Variants in GYPB observed in about 807,000 individuals in gnomAD.
GYPB encodes the protein glycophorin-B.
A neutral mutation model predicts 15.3 loss-of-function variants in GYPB; 13 were observed. That is an observed-to-expected ratio of 0.85 (90% CI 0.55 to 1.35). The LOEUF is 1.35. Among genes scored for constraint, GYPB ranks in the 40% most tolerant of loss-of-function variants. The pLI is 0.00. For missense variants in GYPB, 131 were observed against 108.3 expected (o/e 1.21, Z -0.93); for synonymous variants, 38 against 36.9 (o/e 1.03, Z -0.11).
Position 144,001,945 on chromosome 4 carries a change from G to A in GYPB, c.38-662C>T, listed in dbSNP as rs1244110459. On this transcript the variant is annotated intron_variant, in intron 1 of 4. Coordinates refer to ENST00000502664, the MANE Select transcript of GYPB (RefSeq NM_002100.6). The stretch of plus-strand genomic sequence containing the variant: ...GATCACGCCACTGCACTCCAGCCTG[G>A]GCGACAGAACGAGATTCCGTTTCAA... 2.2e-5 allele frequency among the ~76,000 whole-genome samples: 3 copies of A among 135,180 alleles called. No individual in the cohort carries two copies. The Admixed American group carries it at 2.4e-4, about 11-fold the overall frequency. 88.7% of individuals were successfully genotyped at this position (135,180 alleles called of 152,430 possible).
chr4:144,012,839 G>T (rs1355456480), intron 1 of GYPB: 2 of 151,142 alleles, frequency 1.3e-5, no homozygotes, highest in African/African-American at 4.9e-5. Context: ...TATAAGAGAA[G>T]AAATACAAAA....
intron 1 of GYPB, among the ~76,000 whole-genome samples, chr4:144,007,761 T>G (rs1727996633): frequency 6.6e-6 from 1 of 151,618 alleles, no homozygotes; most frequent in East Asian, 1.9e-4. Context: ...GCCTCTAAGA[T>G]GAGAGTAGTG....
At chr4:144,009,876 G>A (rs902828765) in intron 1 of GYPB, among the ~76,000 whole-genome samples, 12 of 150,842 alleles carry the variant, frequency 8.0e-5, no homozygotes, top group African/African-American at 3.0e-4. Context: ...GCCTCCCAAA[G>A]TGATGGGATT....
At chr4:143,997,357 T>C (rs1727376474) in intron 4 of GYPB, 183 bp downstream of exon 4, 1 of 467,826 alleles carries the variant, frequency 2.1e-6, no homozygotes. Flanking sequence ...TTCCCTTTAA[T>C]TGGGCAAATG....
intron 2 of GYPB, among the ~76,000 whole-genome samples, chr4:144,000,939 A>C (rs2667333): frequency 1.3e-5 from 2 of 151,248 alleles, no homozygotes; most frequent in Admixed American, 1.3e-4. Context: ...TCATGGTCAC[A>C]TGTATCATTT....
At chr4:144,009,518 G>C (rs1374127983) in intron 1 of GYPB, among the ~76,000 whole-genome samples, 2 of 145,682 alleles carry the variant, frequency 1.4e-5, no homozygotes, top group Admixed American at 1.4e-4. Flanking sequence ...GTATGACTAT[G>C]TTCCAATAAT....
At chr4:144,009,435 T>C (rs1451759571) in intron 1 of GYPB, among the ~76,000 whole-genome samples, 2 of 150,302 alleles carry the variant, frequency 1.3e-5, no homozygotes, top group Non-Finnish European at 3.0e-5. Flanking sequence ...GGACCATCTA[T>C]TACAAATATT....
chr4:144,015,630 A>C (rs978409109), intron 1 of GYPB, among the ~76,000 whole-genome samples: 3 of 151,440 alleles, frequency 2.0e-5, no homozygotes, highest in Non-Finnish European at 4.4e-5. Flanking sequence ...CCTAATTTAA[A>C]ATCACTACGA....
intron 2 of GYPB, among the ~76,000 whole-genome samples, chr4:144,000,669 A>G (rs971608740): frequency 2.0e-5 from 3 of 151,256 alleles, no homozygotes; most frequent in Non-Finnish European, 4.4e-5. Flanking sequence ...CTTATTGTTT[A>G]TCAGTCACTG....
chr4:144,018,076 T>G (rs1024902009), intron 1 of GYPB, among the ~76,000 whole-genome samples: 8 of 151,414 alleles, frequency 5.3e-5, no homozygotes, highest in African/African-American at 2.0e-4. Flanking sequence ...GATAGTTAAT[T>G]CTAATCATAG....
intron 1 of GYPB, chr4:144,002,508 C>T: frequency 1.0e-6 from 1 of 968,764 alleles, no homozygotes; most frequent in Non-Finnish European, 1.4e-6. Flanking sequence ...ATGTGTTTTT[C>T]ACTCTTCTGA....
intron 1 of GYPB, among the ~76,000 whole-genome samples, chr4:144,014,891 G>A (rs1410271990): frequency 6.6e-6 from 1 of 151,496 alleles, no homozygotes; most frequent in East Asian, 1.9e-4. Flanking sequence ...TTCAGAACCT[G>A]CCTATATATG....
intron 2 of GYPB, 114 bp from the exon 3 acceptor site, chr4:143,999,563 G>A (rs778581215): frequency 3.2e-6 from 2 of 632,292 alleles, no homozygotes; most frequent in South Asian, 3.7e-5. Context: ...TATTTTGAGA[G>A]TTGTTGGTCA....
In GYPB at chr4:143,996,303, G is replaced by C; in HGVS notation, c.272C>G (p.Ala91Gly). 1 of 1,550,904 alleles carries C rather than the reference G, an allele frequency of 6.4e-7. No individual in the cohort carries two copies. Among genetic ancestry groups the C allele is most frequent in the South Asian group, 1.2e-5 (1 of 84,050 alleles). Residue 91 changes from alanine to glycine, a missense_variant and splice_region_variant, in exon 5 of 5, where the codon GCA becomes GGA. Coordinates refer to ENST00000502664, the MANE Select transcript of GYPB (RefSeq NM_002100.6). The stretch of plus-strand genomic sequence containing the variant: ...GGCAGCATGCAGGCCACATCCTCAT[G>C]CCTGTGATAAAAAGACAAGAAGTTT... ...ISYSIRRLIK[A>G]
intron 1 of GYPB, among the ~76,000 whole-genome samples, chr4:144,017,787 CT>C (rs891118228): frequency 1.3e-5 from 2 of 151,264 alleles, no homozygotes; most frequent in Non-Finnish European, 2.9e-5. Flanking sequence ...AAGAATACAT[CT>C]TTTTTTCTGT....
At chr4:144,002,570 C>A in intron 1 of GYPB, 1 of 1,283,546 alleles carries the variant, frequency 7.8e-7, no homozygotes, top group Non-Finnish European at 1.0e-6. Flanking sequence ...TGTAGATGTA[C>A]CTTTGCTCAT....
At chr4:144,001,332 C>A in intron 1 of GYPB, 49 bp from the exon 2 acceptor site, 1 of 1,612,320 alleles carries the variant, frequency 6.2e-7, no homozygotes, top group Non-Finnish European at 8.5e-7. Context: ...GGTGACTGAG[C>A]AGACCATAAA....
intron 1 of GYPB, chr4:144,008,537 C>A: frequency 2.2e-6 from 1 of 454,628 alleles, no homozygotes; most frequent in South Asian, 1.6e-5. Flanking sequence ...TCCAGCCAAG[C>A]ATATTCCAAT....
At chr4:144,010,664 C>G (rs1728166485) in intron 1 of GYPB, among the ~76,000 whole-genome samples, 1 of 151,222 alleles carries the variant, frequency 6.6e-6, no homozygotes, top group East Asian at 1.9e-4. Flanking sequence ...TGGTTATACC[C>G]TATCTGAATA....
Sources: allele counts gnomAD v4.1 joint callset (sites outside exome capture counted in the v4.1 genomes callset), GRCh38; gene constraint gnomAD v4.1.1; transcripts MANE v1.5; gene names NCBI Gene and HGNC (gene_info 2026-07-23, HGNC 2026-07-21).